DLGAP1: variants seen among roughly 807,000 people sequenced by gnomAD.
DLGAP1 encodes disks large-associated protein 1.
A neutral mutation model predicts 90.8 loss-of-function variants in DLGAP1; 11 were observed. The ratio of observed to expected loss-of-function variants is 0.12; its 90% CI spans 0.08 to 0.20. The LOEUF is 0.20. Among genes scored for constraint, DLGAP1 ranks in the 10% least tolerant of loss-of-function variants. The pLI, the probability that DLGAP1 is intolerant of heterozygous loss-of-function variation, is 1.00. For synonymous variants in DLGAP1, 558 were observed against 540.7 expected, an observed-to-expected ratio of 1.03 and a Z score of -0.44; for missense variants, 1,050 against 1,333.8, an observed-to-expected ratio of 0.79 and a Z score of 3.31.
intron 7 of DLGAP1, among the ~76,000 whole-genome samples, chr18:3,588,513 G>A (rs2056032610): frequency 6.6e-6 from 1 of 151,648 alleles, no homozygotes; most frequent in African/African-American, 2.4e-5. Context: ...AGAGTGCGGT[G>A]GCTCGCTCCT....
chr18:4,049,415 C>T (rs768071564), intron 2 of DLGAP1, among the ~76,000 whole-genome samples: 1 of 152,038 alleles, frequency 6.6e-6, no homozygotes, highest in Non-Finnish European at 1.5e-5. Context: ...TCCCATGCAG[C>T]CGAGGCACTC....
intron 1 of DLGAP1, among the ~76,000 whole-genome samples, chr18:4,449,482 G>A (rs1303215356): frequency 2.0e-5 from 3 of 152,162 alleles, no homozygotes; most frequent in Non-Finnish European, 4.4e-5. Flanking sequence ...CCATGCAAAA[G>A]CTGTGTAACA....
chr18:3,614,733 C>T (rs1193454331), intron 7 of DLGAP1, among the ~76,000 whole-genome samples: 4 of 147,066 alleles, frequency 2.7e-5, no homozygotes, highest in Non-Finnish European at 5.9e-5. Flanking sequence ...GGCCTGTAAT[C>T]CCAGTTTCGG....
intron 2 of DLGAP1, among the ~76,000 whole-genome samples, chr18:4,150,066 C>A (rs2076648817): frequency 6.6e-6 from 1 of 152,170 alleles, no homozygotes; most frequent in Non-Finnish European, 1.5e-5. Flanking sequence ...GTTCCCATTG[C>A]CTGCAGTGGT....
intron 2 of DLGAP1, among the ~76,000 whole-genome samples, chr18:4,008,257 A>T (rs568843620): frequency 1.7e-4 from 25 of 151,510 alleles, no homozygotes; most frequent in African/African-American, 5.6e-4. Flanking sequence ...ACACTCACAC[A>T]CACATATACA....
chr18:4,418,225 C>G (rs2082947266), intron 1 of DLGAP1, among the ~76,000 whole-genome samples: 1 of 152,078 alleles, frequency 6.6e-6, no homozygotes, highest in African/African-American at 2.4e-5. Flanking sequence ...CACTACTAGG[C>G]AGAAAAAACT....
At chr18:4,160,401 C>A (rs2144499929) in intron 1 of DLGAP1, among the ~76,000 whole-genome samples, 1 of 152,292 alleles carries the variant, frequency 6.6e-6, no homozygotes, top group Non-Finnish European at 1.5e-5. Flanking sequence ...TTCAGTTTTT[C>A]CCCCTCTGTA....
At chr18:3,502,921 AT>A (rs1029505778) in intron 11 of DLGAP1, among the ~76,000 whole-genome samples, 10 of 152,166 alleles carry the variant, frequency 6.6e-5, no homozygotes, top group Non-Finnish European at 1.5e-5. Context: ...CATATGAAAA[AT>A]TCCAGAATGT....
chr18:3,919,040 G>A (rs1383008935), intron 3 of DLGAP1, among the ~76,000 whole-genome samples: 2 of 152,314 alleles, frequency 1.3e-5, no homozygotes, highest in Admixed American at 6.5e-5. Flanking sequence ...AGTCCAATGA[G>A]AATTTTGTCA....
chr18:3,633,888 ACTACG>A (rs1283043565), intron 7 of DLGAP1, among the ~76,000 whole-genome samples: 1 of 152,240 alleles, frequency 6.6e-6, no homozygotes, highest in Non-Finnish European at 1.5e-5. Context: ...TAGTTAAATA[ACTACG>A]GCCATGCATG....
At chr18:3,864,581 A>G (rs1020052096) in intron 4 of DLGAP1, among the ~76,000 whole-genome samples, 4 of 152,212 alleles carry the variant, frequency 2.6e-5, no homozygotes, top group African/African-American at 9.6e-5. Flanking sequence ...ATACATGTAC[A>G]TGAGGAAATA....
chr18:4,238,827 C>T (rs2078471262), intron 1 of DLGAP1, among the ~76,000 whole-genome samples: 1 of 152,198 alleles, frequency 6.6e-6, no homozygotes, highest in African/African-American at 2.4e-5. Flanking sequence ...GGACCACCTG[C>T]ATCCAAATTA....
At chr18:3,771,638 C>T (rs1200995933) in intron 5 of DLGAP1, among the ~76,000 whole-genome samples, 1 of 152,234 alleles carries the variant, frequency 6.6e-6, no homozygotes, top group Non-Finnish European at 1.5e-5. Context: ...GTTGCTCATT[C>T]AAGTTTTTCC....
intron 2 of DLGAP1, among the ~76,000 whole-genome samples, chr18:4,016,338 C>G (rs1384269378): frequency 6.6e-6 from 1 of 152,208 alleles, no homozygotes; most frequent in Non-Finnish European, 1.5e-5. Flanking sequence ...GCGGCCTCAC[C>G]TGTTATCATC....
At position 3,615,051 on chromosome 18, in the gene DLGAP1, A is replaced by G. The variant is rs577296220; in HGVS notation, c.1592-32803T>C. ...TTCTCCTGCCTCAGCCTCCCGAGTG[A>G]CTGAGATTACAGGCGCCCGCCACCA... On this transcript the variant is annotated intron_variant, in intron 7 of 12. Transcript: ENST00000315677. Among the ~76,000 whole-genome samples, 655 of 151,682 alleles carry G rather than the reference A, an allele frequency of 4.3e-3. 6 individuals are homozygous for G. Among genetic ancestry groups the G allele is most frequent in the African/African-American group, 0.015 (614 of 41,380 alleles).
intron 1 of DLGAP1, among the ~76,000 whole-genome samples, chr18:4,356,290 T>G (rs1386003202): frequency 2.6e-5 from 4 of 152,044 alleles, no homozygotes; most frequent in Non-Finnish European, 4.4e-5. Flanking sequence ...ACCTATACAC[T>G]GACAACTCCC....
At chr18:3,837,849 C>CAAAAAAAAAAAAAAAAA (rs5822770) in intron 4 of DLGAP1, among the ~76,000 whole-genome samples, 1 of 26,820 alleles carries the variant, frequency 3.7e-5, no homozygotes, top group Non-Finnish European at 6.3e-5. Context: ...GAGATTCTGT[C>CAAAAAAAAAAAAAAAAA]AAAAAAAAAA....
At chr18:4,310,194 G>A (rs1286351597) in intron 1 of DLGAP1, among the ~76,000 whole-genome samples, 1 of 152,196 alleles carries the variant, frequency 6.6e-6, no homozygotes, top group African/African-American at 2.4e-5. Context: ...TGTGGGAAAT[G>A]AGACTCCTCA....
chr18:4,172,622 G>A (rs1054883565), intron 1 of DLGAP1, among the ~76,000 whole-genome samples: 1 of 152,170 alleles, frequency 6.6e-6, no homozygotes, highest in African/African-American at 2.4e-5. Flanking sequence ...ATAGAAAAAT[G>A]TCAACTGGTG....
Sources: allele counts gnomAD v4.1 joint callset (sites outside exome capture counted in the v4.1 genomes callset), GRCh38; gene constraint gnomAD v4.1.1; transcripts MANE v1.5; gene names NCBI Gene and HGNC (gene_info 2026-07-23, HGNC 2026-07-21).